Variants in RAB11FIP3 observed in about 807,000 individuals in gnomAD.
RAB11FIP3 encodes RAB11 family interacting protein 3.
In RAB11FIP3, 17 loss-of-function variants were observed where a neutral mutation model predicts 77.8. The ratio of observed to expected loss-of-function variants is 0.22; its 90% confidence interval spans 0.15 to 0.33. The LOEUF (loss-of-function observed/expected upper bound fraction) is 0.33, where lower values mean the gene tolerates loss of function less well. Among genes scored for constraint, RAB11FIP3 ranks in the 10% least tolerant of loss-of-function variants. RAB11FIP3 has a pLI of 1.00. For missense variants in RAB11FIP3, 1,005 were observed against 1,011.2 expected, an observed-to-expected ratio of 0.99 and a Z score of 0.08; for synonymous variants, 437 against 448.2, an observed-to-expected ratio of 0.98 and a Z score of 0.31.
chr16:471,825 C>T lies in RAB11FIP3; in HGVS notation c.903+436C>T, dbSNP rs996303620. Among the ~76,000 whole-genome samples the T allele has an allele frequency of 1.3e-5, 2 of 152,190 alleles. No homozygotes were observed. The highest frequency in any genetic ancestry group is 1.5e-5 in the Non-Finnish European group (1 of 68,028). ...AGCCAGGGTTGTCATGGTGACGTGG[C>T]GTCTCCTGTGTCTCCTGTCACTGTG... On this transcript the variant is annotated intron_variant, in intron 3 of 13. Transcript: ENST00000262305. The surrounding 1 kb of genome is among the most constrained non-coding windows in gnomAD (Gnocchi z 4.4).
intron 1 of RAB11FIP3, among the ~76,000 whole-genome samples, chr16:433,273 C>T (rs113766353): frequency 2.2e-5 from 3 of 136,570 alleles, no homozygotes; most frequent in Admixed American, 7.8e-5. Context: ...CCTGGTGATC[C>T]GCCCACCTGG....
chr16:455,565 T>G (rs988638134), intron 1 of RAB11FIP3, among the ~76,000 whole-genome samples: 70 of 152,252 alleles, frequency 4.6e-4, no homozygotes, highest in African/African-American at 1.6e-3. Context: ...CGGATATGAC[T>G]GGAGCAGGTG....
At chr16:480,782 G>T (rs1044186471) in intron 3 of RAB11FIP3, among the ~76,000 whole-genome samples, 1 of 148,840 alleles carries the variant, frequency 6.7e-6, no homozygotes, top group South Asian at 2.2e-4. Flanking sequence ...ACAGGCGTGA[G>T]CCACTGCGCC....
At chr16:519,307 G>A (rs1260955553) in intron 10 of RAB11FIP3, among the ~76,000 whole-genome samples, 1 of 152,238 alleles carries the variant, frequency 6.6e-6, no homozygotes, top group East Asian at 1.9e-4. Context: ...AACCACTGCC[G>A]ACGTGGAGGC....
chr16:508,712 C>T (rs1244472676), intron 8 of RAB11FIP3, among the ~76,000 whole-genome samples: 2 of 152,130 alleles, frequency 1.3e-5, no homozygotes, highest in Admixed American at 6.5e-5. Context: ...CGCGTCCTTT[C>T]GCTGTGGGAA....
At chr16:477,575 C>T (rs2055943230) in intron 3 of RAB11FIP3, 15 of 975,378 alleles carry the variant, frequency 1.5e-5, no homozygotes, top group Admixed American at 6.1e-5. Flanking sequence ...CCTGGCGTCC[C>T]GCAGGCCCAG....
chr16:498,424 C>T (rs1211477624), intron 6 of RAB11FIP3, among the ~76,000 whole-genome samples: 1 of 152,248 alleles, frequency 6.6e-6, no homozygotes, highest in Non-Finnish European at 1.5e-5. Flanking sequence ...ATCCTCCCAC[C>T]TTGGCCTCCC....
At chr16:493,653 C>G (rs1235772872) in intron 5 of RAB11FIP3, among the ~76,000 whole-genome samples, 1 of 152,296 alleles carries the variant, frequency 6.6e-6, no homozygotes, top group East Asian at 1.9e-4. Context: ...GTGACCCAGG[C>G]CGGAGTGCAG....
At chr16:476,455 C>T (rs1376701387) in intron 3 of RAB11FIP3, among the ~76,000 whole-genome samples, 1 of 152,134 alleles carries the variant, frequency 6.6e-6, no homozygotes, top group Non-Finnish European at 1.5e-5. Flanking sequence ...ACCTCCCTCC[C>T]TTCGTAGGAC....
chr16:500,719 AAAT>A (rs2031459324), intron 6 of RAB11FIP3, among the ~76,000 whole-genome samples: 1 of 140,124 alleles, frequency 7.1e-6, no homozygotes, highest in East Asian at 2.3e-4. Flanking sequence ...AAAAAAAATT[AAAT>A]AAGTAAATAA....
intron 1 of RAB11FIP3, among the ~76,000 whole-genome samples, chr16:451,927 T>C (rs1339141179): frequency 6.6e-6 from 1 of 152,034 alleles, no homozygotes; most frequent in African/African-American, 2.4e-5. Context: ...AGGCGGTGGA[T>C]TGCCTGAGGT....
In RAB11FIP3 at chr16:514,924, T is replaced by C. The variant is rs993119075; in HGVS notation, c.1641-4019T>C. Among the ~76,000 whole-genome samples the C allele has an allele frequency of 3.9e-5, 6 of 152,228 alleles. No individual in the cohort carries two copies. Among genetic ancestry groups the C allele is most frequent in the African/African-American group, 1.4e-4 (6 of 41,454 alleles). On this transcript the variant is annotated intron_variant, in intron 9 of 13. Transcript: ENST00000262305. The surrounding 1 kb of genome is among the most constrained non-coding windows in gnomAD (Gnocchi z 4.6). ...CGTGGCCCTGGTGTGTGGTGCTTTC[T>C]AGCAGCACGTGAGCCAAGGAAGCCC...
intron 1 of RAB11FIP3, among the ~76,000 whole-genome samples, chr16:446,757 G>A (rs566985180): frequency 5.9e-5 from 9 of 151,792 alleles, no homozygotes; most frequent in East Asian, 3.9e-4. Flanking sequence ...GTGCAGTGGC[G>A]TGATCTCAGC....
chr16:476,619 A>T (rs897396606), intron 3 of RAB11FIP3, among the ~76,000 whole-genome samples: 1 of 152,052 alleles, frequency 6.6e-6, no homozygotes, highest in Non-Finnish European at 1.5e-5. Context: ...ACTTTTTAAA[A>T]GCTGGTCCAA....
chr16:449,561 G>C (rs763290791), intron 1 of RAB11FIP3, among the ~76,000 whole-genome samples: 1 of 151,288 alleles, frequency 6.6e-6, no homozygotes, highest in African/African-American at 2.4e-5. Context: ...TGGGAGGATC[G>C]CTTGAGCCTA....
At chr16:430,241 A>G (rs988134118) in intron 1 of RAB11FIP3, among the ~76,000 whole-genome samples, 2 of 152,188 alleles carry the variant, frequency 1.3e-5, no homozygotes, top group African/African-American at 4.8e-5. Context: ...ACTGCCACCT[A>G]TCATGAAGCA....
chr16:428,100 C>CAA (rs10669000), intron 1 of RAB11FIP3, among the ~76,000 whole-genome samples: 12,079 of 143,664 alleles, frequency 0.084, 1,549 homozygotes, highest in African/African-American at 0.27. Context: ...GACTTCGTCT[C>CAA]AAAAAAAAAA....
At chr16:478,023 C>T (rs1157190698) in intron 3 of RAB11FIP3, among the ~76,000 whole-genome samples, 1 of 152,146 alleles carries the variant, frequency 6.6e-6, no homozygotes, top group Non-Finnish European at 1.5e-5. Context: ...CGTCTGAGGT[C>T]ACACGGCTTT....
intron 2 of RAB11FIP3, among the ~76,000 whole-genome samples, chr16:470,304 T>G (rs2055786355): frequency 6.6e-6 from 1 of 151,896 alleles, no homozygotes; most frequent in Non-Finnish European, 1.5e-5. Flanking sequence ...GACCTAATTT[T>G]TGTATTTTTG....
Sources: gnomAD v4.1 joint callset for allele counts (sites outside exome capture counted in the v4.1 genomes callset) on GRCh38, gnomAD v4.1.1 for gene constraint, Gnocchi (gnomAD v3.1) non-coding constraint, MANE v1.5 for transcripts, NCBI Gene and HGNC (gene_info 2026-07-23, HGNC 2026-07-21) for gene names.